Variants in HACD3 observed in about 807,000 individuals in gnomAD.
HACD3 encodes very-long-chain (3R)-3-hydroxyacyl-CoA dehydratase 3.
In HACD3, 30 loss-of-function variants were observed where a neutral mutation model predicts 55.2. That is an observed-to-expected ratio of 0.54 (90% CI 0.41 to 0.74). The LOEUF (loss-of-function observed/expected upper bound fraction) is 0.74, where lower values mean the gene tolerates loss of function less well. Ranked by LOEUF, HACD3 falls within the 30% of genes least tolerant of loss-of-function variation. The pLI, the probability that HACD3 is intolerant of heterozygous loss-of-function variation, is 0.00. For synonymous variants in HACD3, 141 were observed against 151.7 expected, an observed-to-expected ratio of 0.93 and a Z score of 0.52; for missense variants, 363 against 440.1, an observed-to-expected ratio of 0.82 and a Z score of 1.57.
intron 5 of HACD3, among the ~76,000 whole-genome samples, chr15:65,561,186 G>C (rs1437194211): frequency 1.3e-5 from 2 of 152,130 alleles, no homozygotes; most frequent in African/African-American, 4.8e-5. Context: ...TGACTGGAGG[G>C]CCAGGCACGG....
chr15:65,576,457 A>G lies in HACD3; in HGVS notation c.*78A>G. On this transcript the variant is annotated 3_prime_UTR_variant, in exon 11 of 11. Coordinates refer to ENST00000261875, the MANE Select transcript of HACD3 (RefSeq NM_016395.4). ...AGTTTTACCTTCTTGAACCAATGTA[A>G]AAGTTTTTTTAATGTTAAATGATTA... 1.4e-6 allele frequency: 2 copies of G among 1,434,250 alleles called. No homozygotes were observed. The highest frequency in any genetic ancestry group is 2.4e-4 in the Middle Eastern group (1 of 4,152). 88.8% of individuals were successfully genotyped at this position (1,434,250 alleles called of 1,614,324 possible). A position where few individuals can be genotyped will look rare whatever the true frequency, so the allele number is the denominator to read the frequency against.
chr15:65,558,697 TA>T lies in HACD3; in HGVS notation c.390del (p.Lys130AsnfsTer16). The stretch of plus-strand genomic sequence containing the variant: ...AATTCTAGGAAGAAGAGCGCCTAAA[TA>T]AACTCCGACTGGAAAGCGAAGGCTC... ...LRAKEEERLN[K>X]LRLESEGSPE... On this transcript the variant is annotated frameshift_variant, in exon 5 of 11. Coordinates refer to ENST00000261875, the MANE Select transcript of HACD3 (RefSeq NM_016395.4). LOFTEE classifies it high-confidence loss of function. The T allele has an allele frequency of 6.2e-7, 1 of 1,600,344 alleles. No homozygotes were observed. Among genetic ancestry groups the T allele is most frequent in the Non-Finnish European group, 8.5e-7 (1 of 1,173,206 alleles).
chr15:65,576,424 A>G lies in HACD3; in HGVS notation c.*45A>G. The G allele has an allele frequency of 6.5e-7, 1 of 1,530,270 alleles. No homozygotes were observed. Among genetic ancestry groups the G allele is most frequent in the Non-Finnish European group, 8.8e-7 (1 of 1,138,680 alleles). 94.8% of individuals were successfully genotyped at this position (1,530,270 alleles called of 1,614,324 possible). On this transcript the variant is annotated 3_prime_UTR_variant, in exon 11 of 11. Coordinates refer to ENST00000261875, the MANE Select transcript of HACD3 (RefSeq NM_016395.4). ...TTCTTGCCAGTTTGAGCCTAATCTG[A>G]TTCTTACAGTTTTACCTTCTTGAAC...
rs919928346 is a variant in HACD3 at position 65,577,213 on chromosome 15, C to G, written c.*834C>G. On this transcript the variant is annotated 3_prime_UTR_variant, in exon 11 of 11. Coordinates refer to ENST00000261875, the MANE Select transcript of HACD3 (RefSeq NM_016395.4). The stretch of plus-strand genomic sequence containing the variant: ...ACCTAGGTGGGAGCATCGCTTGAAG[C>G]CAGGAGTTCAAGACCAGCTTGGGCA... The G allele has an allele frequency of 3.3e-5, 5 of 152,154 alleles. No homozygotes were observed. Among genetic ancestry groups the G allele is most frequent in the African/African-American group, 1.2e-4 (5 of 41,410 alleles). The allele number at this position is 152,154 out of a possible 1,614,324, so 9.4% of individuals were successfully genotyped here.
chr15:65,558,291 G>A (rs2072213676), intron 4 of HACD3, among the ~76,000 whole-genome samples: 1 of 152,134 alleles, frequency 6.6e-6, no homozygotes, highest in South Asian at 2.1e-4. Context: ...CTTAGCTTCT[G>A]GAAAAATTAT....
rs900667626 is a variant in HACD3 at position 65,562,684 on chromosome 15, A to C, written c.422-90A>C. 37 of 1,477,078 alleles carry C rather than the reference A, an allele frequency of 2.5e-5. 1 individual carries two copies. The East Asian group carries it at 8.2e-4, about 33-fold the overall frequency. 91.5% of individuals were successfully genotyped at this position (1,477,078 alleles called of 1,614,324 possible). On this transcript the variant is annotated intron_variant, in intron 5 of 10. Transcript: ENST00000261875. ...GCTTAGGAGCATTCAGGAAGGAAAA[A>C]GGGTTGAAGTCATCCAGATATGCCT... is the stretch of plus-strand genomic sequence containing the variant.
intron 10 of HACD3, among the ~76,000 whole-genome samples, chr15:65,575,623 G>A (rs1324245687): frequency 6.6e-6 from 1 of 152,194 alleles, no homozygotes; most frequent in Non-Finnish European, 1.5e-5. Flanking sequence ...GGGGTGAGGT[G>A]TATTGATATC....
intron 2 of HACD3, among the ~76,000 whole-genome samples, chr15:65,552,640 TTTTTTG>T (rs950854514): frequency 3.2e-4 from 48 of 152,006 alleles, no homozygotes; most frequent in South Asian, 1.2e-3. Flanking sequence ...CTGTTTTTTG[TTTTTTG>T]TTTTTGTTTT....
intron 1 of HACD3, among the ~76,000 whole-genome samples, chr15:65,544,424 A>G (rs940497716): frequency 3.9e-5 from 6 of 152,200 alleles, no homozygotes; most frequent in Non-Finnish European, 7.3e-5. Flanking sequence ...GGAAATCTGA[A>G]TAACATAGGT....
chr15:65,535,744 G>A, intron 1 of HACD3: 2 of 554,808 alleles, frequency 3.6e-6, no homozygotes, highest in South Asian at 2.3e-5. Context: ...TGCCCAGGTT[G>A]GAGTGCAGCA....
chr15:65,544,101 C>G (rs770755828), intron 1 of HACD3, among the ~76,000 whole-genome samples: 1 of 152,004 alleles, frequency 6.6e-6, no homozygotes, highest in Non-Finnish European at 1.5e-5. Context: ...GGCGTGAACC[C>G]GGGAGGCGGA....
chr15:65,538,807 C>T (rs934753190), intron 1 of HACD3, among the ~76,000 whole-genome samples: 5 of 152,224 alleles, frequency 3.3e-5, no homozygotes, highest in African/African-American at 1.2e-4. Flanking sequence ...CAGCCTTCAG[C>T]AGTCACCACC....
intron 6 of HACD3, among the ~76,000 whole-genome samples, chr15:65,563,875 C>T (rs1280402275): frequency 1.3e-5 from 2 of 151,918 alleles, no homozygotes; most frequent in East Asian, 3.9e-4. Flanking sequence ...GAGGCTGAGG[C>T]AGGAGAATCA....
intron 4 of HACD3, 39 bp from the exon 5 acceptor site, chr15:65,558,641 C>T (rs1335094148): frequency 5.1e-6 from 8 of 1,558,290 alleles, no homozygotes; most frequent in Non-Finnish European, 7.0e-6. Flanking sequence ...TCTGGGAATT[C>T]TAACTTGTGT....
intron 9 of HACD3, 45 bp from the exon 10 acceptor site, chr15:65,572,190 T>G (rs763622794): frequency 1.9e-6 from 3 of 1,604,660 alleles, no homozygotes; most frequent in Non-Finnish European, 2.5e-6. Context: ...TCATTAAATG[T>G]GACTGTTTCA....
intron 1 of HACD3, among the ~76,000 whole-genome samples, chr15:65,537,900 A>G (rs2071971593): frequency 1.4e-5 from 2 of 141,192 alleles, no homozygotes; most frequent in South Asian, 2.2e-4. Context: ...GGTTTACTGA[A>G]TATTTTAAGC....
intron 2 of HACD3, among the ~76,000 whole-genome samples, chr15:65,553,855 TGGTTCAGCAGCAGCTGCTG>T (rs1196618059): frequency 6.6e-6 from 1 of 151,622 alleles, no homozygotes; most frequent in Admixed American, 6.6e-5. Context: ...AGTGGAAGGG[TGGTTCAGCAGCAGCTGCTG>T]GGTCCAGCAG....
At chr15:65,552,883 C>T (rs916877299) in intron 2 of HACD3, among the ~76,000 whole-genome samples, 22 of 151,072 alleles carry the variant, frequency 1.5e-4, no homozygotes, top group Non-Finnish European at 2.7e-4. Context: ...TGATATTCCC[C>T]TTCCTGTGTC....
In HACD3 at chr15:65,550,306, G is replaced by A. The variant is rs562488227; in HGVS notation, c.88-1370G>A. 2.0e-5 allele frequency among the ~76,000 whole-genome samples: 3 copies of A among 152,274 alleles called. No individual in the cohort carries two copies. The East Asian group carries it at 5.8e-4, about 29-fold the overall frequency. ...GGAGGCTGAGGCAGGAGAATCGCCTGAACCTGGGAGGCAGAGGTTACAGTG... is the reference window on the plus strand; with the variant it reads ...GGAGGCTGAGGCAGGAGAATCGCCTAAACCTGGGAGGCAGAGGTTACAGTG... On this transcript the variant is annotated intron_variant, in intron 1 of 10. Coordinates refer to ENST00000261875, the MANE Select transcript of HACD3 (RefSeq NM_016395.4).
Sources: gnomAD v4.1 joint callset for allele counts (sites outside exome capture counted in the v4.1 genomes callset) on GRCh38, gnomAD v4.1.1 for gene constraint, MANE v1.5 for transcripts, NCBI Gene and HGNC (gene_info 2026-07-23, HGNC 2026-07-21) for gene names.